The following CTNNA3 variants were observed in gnomAD, a reference collection of about 807,000 sequenced individuals.
CTNNA3 encodes catenin alpha-3.
A neutral mutation model predicts 95.7 loss-of-function variants in CTNNA3; 76 were observed. That is an observed-to-expected ratio of 0.79 (90% CI 0.66 to 0.96). CTNNA3 has a LOEUF of 0.96. CTNNA3 is among the 40% of genes least tolerant of loss of function. The pLI is 0.00. For synonymous variants in CTNNA3, 431 were observed against 374.4 expected (o/e 1.15, Z -1.74); for missense variants, 1,191 against 1,089.8 (o/e 1.09, Z -1.31).
chr10:65,983,691 T>G (rs2133310037), intron 16 of CTNNA3, among the ~76,000 whole-genome samples: 1 of 151,534 alleles, frequency 6.6e-6, no homozygotes, highest in African/African-American at 2.4e-5. Context: ...ATGGCATACT[T>G]AAGCCTTTTT....
rs1001013139 is a variant in CTNNA3 at position 67,741,760 on chromosome 10, C to G, written c.-2+21674G>C. ...CATCAGTGTGCTGCATTCAGGAAAC[C>G]CATTTCACGTGCACAGACACACATA... On this transcript the variant is annotated intron_variant, in intron 1 of 17. Coordinates refer to the CTNNA3 transcript ENST00000684154. 2.6e-5 allele frequency among the ~76,000 whole-genome samples: 4 copies of G among 151,030 alleles called. 1 individual carries two copies. The highest frequency in any genetic ancestry group is 6.6e-5 in the Admixed American group (1 of 15,062).
intron 5 of CTNNA3, among the ~76,000 whole-genome samples, chr10:67,355,499 T>A (rs958137490): frequency 2.0e-5 from 3 of 151,922 alleles, no homozygotes; most frequent in African/African-American, 2.4e-5. Context: ...AAATAATTGA[T>A]GATTGATAAT....
intron 1 of CTNNA3, among the ~76,000 whole-genome samples, chr10:67,750,107 C>T (rs1471332364): frequency 6.6e-6 from 1 of 152,136 alleles, no homozygotes; most frequent in African/African-American, 2.4e-5. Context: ...ACTCTGGACA[C>T]ATCTGAAGGA....
chr10:67,264,579 T>C (rs1173144256), intron 5 of CTNNA3, among the ~76,000 whole-genome samples: 1 of 152,148 alleles, frequency 6.6e-6, no homozygotes, highest in Non-Finnish European at 1.5e-5. Flanking sequence ...AGCTACAAAA[T>C]TGGAACAGAC....
intron 3 of CTNNA3, among the ~76,000 whole-genome samples, chr10:67,543,445 T>C (rs1278114780): frequency 2.0e-5 from 3 of 152,090 alleles, no homozygotes; most frequent in South Asian, 4.1e-4. Context: ...ATTTTACAAG[T>C]TCCTTTGCTT....
chr10:67,745,338 G>C (rs1841368244), intron 1 of CTNNA3, among the ~76,000 whole-genome samples: 2 of 152,058 alleles, frequency 1.3e-5, no homozygotes, highest in Admixed American at 1.3e-4. Flanking sequence ...CATAAAAAAT[G>C]ATGAGTTCAT....
At chr10:67,370,738 T>C (rs540129196) in intron 5 of CTNNA3, among the ~76,000 whole-genome samples, 1 of 152,304 alleles carries the variant, frequency 6.6e-6, no homozygotes, top group Non-Finnish European at 1.5e-5. Flanking sequence ...TAAGGAGAAC[T>C]CTGTATTTGT....
intron 10 of CTNNA3, among the ~76,000 whole-genome samples, chr10:66,563,673 C>G (rs547668410): frequency 3.7e-4 from 56 of 152,060 alleles, no homozygotes; most frequent in African/African-American, 1.3e-3. Context: ...CTACATACCC[C>G]CCTCACAATT....
intron 7 of CTNNA3, among the ~76,000 whole-genome samples, chr10:66,892,151 G>A: frequency 6.6e-6 from 1 of 152,052 alleles, no homozygotes; most frequent in Non-Finnish European, 1.5e-5. Flanking sequence ...TAAAAGCTGA[G>A]AACCCCTATA....
chr10:66,537,531 A>G (rs1005247399), intron 10 of CTNNA3, among the ~76,000 whole-genome samples: 2 of 151,322 alleles, frequency 1.3e-5, no homozygotes, highest in African/African-American at 4.8e-5. Context: ...CACTCAAGGA[A>G]AGGGAATTAT....
intron 14 of CTNNA3, among the ~76,000 whole-genome samples, chr10:66,074,633 G>A (rs2080512530): frequency 6.6e-6 from 1 of 151,762 alleles, no homozygotes; most frequent in Non-Finnish European, 1.5e-5. Flanking sequence ...CATTCTTCAA[G>A]TGTGTGTAAT....
chr10:66,282,640 T>C (rs1013507824), intron 12 of CTNNA3, among the ~76,000 whole-genome samples: 1 of 151,836 alleles, frequency 6.6e-6, no homozygotes, highest in African/African-American at 2.4e-5. Flanking sequence ...ATCCACAGCA[T>C]AGTTCTTCCC....
intron 9 of CTNNA3, among the ~76,000 whole-genome samples, chr10:66,748,038 G>A (rs1838959229): frequency 6.6e-6 from 1 of 152,136 alleles, no homozygotes; most frequent in Non-Finnish European, 1.5e-5. Flanking sequence ...GAAAGCTGGT[G>A]TCTGTGCTTC....
At chr10:66,354,845 CATA>C (rs763313678) in intron 12 of CTNNA3, among the ~76,000 whole-genome samples, 37 of 151,958 alleles carry the variant, frequency 2.4e-4, no homozygotes, top group Non-Finnish European at 4.4e-4. Flanking sequence ...GTGCCTGATG[CATA>C]ATAATATTTG....
At chr10:67,103,299 G>C (rs1323245725) in intron 7 of CTNNA3, among the ~76,000 whole-genome samples, 1 of 151,804 alleles carries the variant, frequency 6.6e-6, no homozygotes, top group Non-Finnish European at 1.5e-5. Flanking sequence ...ACTGAGGAAA[G>C]CATACCAAAA....
chr10:66,476,435 C>A (rs1404037840), intron 11 of CTNNA3, among the ~76,000 whole-genome samples: 1 of 152,020 alleles, frequency 6.6e-6, no homozygotes, highest in African/African-American at 2.4e-5. Flanking sequence ...TATTTTATTA[C>A]ATTTTTGCAA....
chr10:66,508,126 A>C (rs1033233481), intron 11 of CTNNA3, among the ~76,000 whole-genome samples: 2 of 151,048 alleles, frequency 1.3e-5, no homozygotes, highest in Non-Finnish European at 2.9e-5. Context: ...AAATTCTTAC[A>C]ATCTGATCCA....
chr10:66,836,010 A>AT (rs760332815), intron 7 of CTNNA3, among the ~76,000 whole-genome samples: 35 of 152,132 alleles, frequency 2.3e-4, no homozygotes, highest in Non-Finnish European at 4.6e-4. Flanking sequence ...AATTAAATTA[A>AT]TTTTTTAGGT....
At chr10:66,667,920 T>C (rs1466759878) in intron 9 of CTNNA3, among the ~76,000 whole-genome samples, 1 of 152,120 alleles carries the variant, frequency 6.6e-6, no homozygotes, top group African/African-American at 2.4e-5. Flanking sequence ...TTGAAGCATA[T>C]ACTCTTATAG....
Sources: gnomAD v4.1 joint callset for allele counts (sites outside exome capture counted in the v4.1 genomes callset) on GRCh38, gnomAD v4.1.1 for gene constraint, MANE v1.5 for transcripts, NCBI Gene and HGNC (gene_info 2026-07-23, HGNC 2026-07-21) for gene names.